The following WDR44 variants were observed in gnomAD, a reference collection of about 807,000 sequenced individuals.
WDR44 encodes WD repeat-containing protein 44.
WDR44 carries 9 observed loss-of-function variants against 65.7 expected under a neutral mutation model. The observed-to-expected ratio is 0.14, with a 90% CI of 0.08 to 0.24. WDR44 has a LOEUF of 0.24. Ranked by LOEUF, WDR44 falls within the 10% of genes least tolerant of loss-of-function variation. WDR44 has a pLI of 1.00. For synonymous variants in WDR44, 220 were observed against 235.2 expected, an observed-to-expected ratio of 0.94 and a Z score of 0.59; for missense variants, 425 against 670.9, an observed-to-expected ratio of 0.63 and a Z score of 4.05.
chrX:118,441,334 A>G, intron 14 of WDR44, 34 bp from the exon 15 acceptor site: 1 of 1,149,214 alleles, frequency 8.7e-7, no homozygotes, highest in Non-Finnish European at 1.2e-6. Flanking sequence ...TTGATGTGGT[A>G]AAATGAAAAC....
At chrX:118,408,231 T>G (rs1602936885) in intron 10 of WDR44, among the ~76,000 whole-genome samples, 1 of 111,007 alleles carries the variant, frequency 9.0e-6, no homozygotes, top group East Asian at 2.8e-4. Flanking sequence ...AGATTTGGTC[T>G]TTCCAACTTA....
chrX:118,433,778 G>A, intron 13 of WDR44, among the ~76,000 whole-genome samples: 1 of 111,617 alleles, frequency 9.0e-6, no homozygotes, highest in Non-Finnish European at 1.9e-5. Context: ...ACATAATAAT[G>A]CTCAGTTAAT....
At chrX:118,378,506 G>T (rs187890867) in intron 2 of WDR44, 54 bp downstream of exon 2, 6 of 1,095,666 alleles carry the variant, frequency 5.5e-6, no homozygotes, top group Non-Finnish European at 6.2e-6. Flanking sequence ...CTTTTTATTC[G>T]TGTTTTTGTG....
intron 11 of WDR44, among the ~76,000 whole-genome samples, chrX:118,410,538 A>G (rs1398302444): frequency 2.7e-5 from 3 of 111,346 alleles, no homozygotes; most frequent in Non-Finnish European, 5.7e-5. Context: ...CAAAAAGACT[A>G]TTTTCAGTGG....
intron 1 of WDR44, among the ~76,000 whole-genome samples, chrX:118,352,343 TA>T (rs1457343094): frequency 2.3e-4 from 6 of 26,137 alleles, no homozygotes; most frequent in African/African-American, 9.8e-4. Context: ...TATATATATA[TA>T]TATATATATT....
intron 12 of WDR44, among the ~76,000 whole-genome samples, chrX:118,414,257 C>CTTTT (rs565805780): frequency 5.8e-4 from 27 of 46,681 alleles, no homozygotes; most frequent in African/African-American, 1.4e-3. Context: ...CTTGCGATTG[C>CTTTT]TTTTTTTTTT....
intron 12 of WDR44, among the ~76,000 whole-genome samples, chrX:118,428,002 C>A (rs1401682467): frequency 1.8e-5 from 2 of 108,848 alleles, no homozygotes; most frequent in Non-Finnish European, 3.8e-5. Context: ...AATAATTTTG[C>A]GGCTAGGCAC....
At chrX:118,366,528 AAG>A (rs1305544882) in intron 1 of WDR44, among the ~76,000 whole-genome samples, 1 of 111,938 alleles carries the variant, frequency 8.9e-6, no homozygotes, top group Non-Finnish European at 1.9e-5. Context: ...TGCAAGAAAT[AAG>A]AGAGATTGAA....
intron 3 of WDR44, among the ~76,000 whole-genome samples, chrX:118,389,718 C>CAAAAA (rs1248530849): frequency 2.9e-4 from 10 of 34,490 alleles, no homozygotes; most frequent in African/African-American, 7.9e-4. Flanking sequence ...GACTCCCTCT[C>CAAAAA]AAAAAAAAAA....
chrX:118,347,818 T>A (rs1428321363), intron 1 of WDR44, among the ~76,000 whole-genome samples: 1 of 112,567 alleles, frequency 8.9e-6, no homozygotes, highest in African/African-American at 3.2e-5. Context: ...ATGTCACTGT[T>A]GTGGGATTTT....
intron 1 of WDR44, among the ~76,000 whole-genome samples, chrX:118,349,756 G>A (rs768261304): frequency 9.1e-6 from 1 of 110,471 alleles, no homozygotes; most frequent in African/African-American, 3.3e-5. Flanking sequence ...CACCATGTTC[G>A]TCAGGCTGGT....
intron 12 of WDR44, among the ~76,000 whole-genome samples, chrX:118,424,261 TATC>T (rs1205936061): frequency 4.9e-5 from 4 of 81,860 alleles, no homozygotes; most frequent in East Asian, 8.5e-4. Context: ...TAATACTTGT[TATC>T]TTATATATAT....
intron 12 of WDR44, among the ~76,000 whole-genome samples, chrX:118,411,947 A>G (rs1194553435): frequency 1.8e-5 from 2 of 112,416 alleles, no homozygotes; most frequent in Non-Finnish European, 3.8e-5. Context: ...GCTACATGCT[A>G]TAAAATCAAA....
intron 12 of WDR44, among the ~76,000 whole-genome samples, chrX:118,416,327 T>G (rs1244998921): frequency 8.9e-6 from 1 of 111,766 alleles, no homozygotes; most frequent in East Asian, 2.8e-4. Context: ...TATAGGGCTA[T>G]GAACTTTCCT....
At chrX:118,391,598 G>A (rs753478996) in intron 3 of WDR44, among the ~76,000 whole-genome samples, 1 of 111,953 alleles carries the variant, frequency 8.9e-6, no homozygotes, top group Non-Finnish European at 1.9e-5. Context: ...TGATCTGGGA[G>A]ATTTAATATT....
intron 1 of WDR44, among the ~76,000 whole-genome samples, chrX:118,365,151 G>A (rs373374823): frequency 1.8e-4 from 20 of 112,041 alleles, no homozygotes; most frequent in African/African-American, 6.5e-4. Flanking sequence ...CTCTGGACAT[G>A]ATAGTTCTGA....
intron 2 of WDR44, among the ~76,000 whole-genome samples, chrX:118,381,021 G>A (rs1167947223): frequency 8.9e-6 from 1 of 112,002 alleles, no homozygotes; most frequent in Non-Finnish European, 1.9e-5. Context: ...TTCAGTGGTA[G>A]AGTACTGGAA....
rs968151765 is a variant in WDR44, at chrX:118,346,324, C to G, written c.-180C>G. The stretch of plus-strand genomic sequence containing the variant: ...CGCTTTGCCGGTCATTCCCGAAGCC[C>G]GGCAACTGAGGGCGGCCCCCTTTCC... On this transcript the variant is annotated 5_prime_UTR_variant, in exon 1 of 20. Coordinates refer to ENST00000254029, the MANE Select transcript of WDR44 (RefSeq NM_019045.5). 8.2e-5 allele frequency: 35 copies of G among 426,932 alleles called. No individual in the cohort carries two copies. Among genetic ancestry groups the G allele is most frequent in the Non-Finnish European group, 1.2e-4 (29 of 244,423 alleles). 35.2% of individuals were successfully genotyped at this position (426,932 alleles called of 1,213,427 possible). A position where few individuals can be genotyped will look rare whatever the true frequency, so the allele number is the denominator to read the frequency against.
At chrX:118,438,795 A>ATTTTTTTTTTTTTTTT (rs2057276055) in intron 14 of WDR44, among the ~76,000 whole-genome samples, 11 of 62,532 alleles carry the variant, frequency 1.8e-4, no homozygotes, top group South Asian at 7.5e-4. Context: ...CTGTTCAGCC[A>ATTTTTTTTTTTTTTTT]TGTTTTTTTT....
Sources: allele counts gnomAD v4.1 joint callset (sites outside exome capture counted in the v4.1 genomes callset), GRCh38; gene constraint gnomAD v4.1.1; transcripts MANE v1.5; gene names NCBI Gene and HGNC (gene_info 2026-07-23, HGNC 2026-07-21).